DLG2: variants seen among roughly 807,000 people sequenced by gnomAD.
DLG2 encodes the protein discs large MAGUK scaffold protein 2, also known as disks large homolog 2.
DLG2 carries 45 observed loss-of-function variants against 132.5 expected under a neutral mutation model. That is an observed-to-expected ratio of 0.34 (90% CI 0.27 to 0.44). The LOEUF (loss-of-function observed/expected upper bound fraction) is 0.44. Among genes scored for constraint, DLG2 ranks in the 20% least tolerant of loss-of-function variants. DLG2 has a pLI of 1.00. For missense variants in DLG2, 1,045 were observed against 1,196.9 expected, an observed-to-expected ratio of 0.87 and a Z score of 1.87; for synonymous variants, 424 against 419.6, an observed-to-expected ratio of 1.01 and a Z score of -0.13.
At chr11:85,019,451 T>A (rs1043544094) in intron 6 of DLG2, among the ~76,000 whole-genome samples, 1 of 152,072 alleles carries the variant, frequency 6.6e-6, no homozygotes, top group Non-Finnish European at 1.5e-5. Flanking sequence ...AGATTTCTTT[T>A]TTATTATTAT....
At chr11:85,505,810 G>C (rs950206922) in intron 3 of DLG2, among the ~76,000 whole-genome samples, 1 of 152,192 alleles carries the variant, frequency 6.6e-6, no homozygotes, top group Non-Finnish European at 1.5e-5. Flanking sequence ...GCTCCTCCTT[G>C]TACCTCTGGT....
intron 4 of DLG2, among the ~76,000 whole-genome samples, chr11:85,199,896 C>G (rs2081327059): frequency 6.6e-6 from 1 of 151,936 alleles, no homozygotes; most frequent in Admixed American, 6.6e-5. Context: ...GGTTCTACCC[C>G]CACACCAAGA....
intron 17 of DLG2, chr11:83,791,428 A>T: frequency 2.8e-6 from 2 of 713,792 alleles, no homozygotes; most frequent in East Asian, 2.9e-5. Context: ...GCAGTTGGCC[A>T]TATCTTTACC....
intron 6 of DLG2, among the ~76,000 whole-genome samples, chr11:84,907,956 A>G (rs1173711051): frequency 2.0e-5 from 3 of 152,198 alleles, no homozygotes; most frequent in Non-Finnish European, 4.4e-5. Context: ...GTCAAGATCC[A>G]GGACTACAGA....
chr11:84,131,894 CATT>C (rs1328309252), intron 9 of DLG2, among the ~76,000 whole-genome samples: 4 of 151,318 alleles, frequency 2.6e-5, no homozygotes, highest in Non-Finnish European at 1.5e-5. Flanking sequence ...TCATGTATGA[CATT>C]ATGTTTCTGG....
At chr11:85,501,016 C>A (rs543494555) in intron 3 of DLG2, among the ~76,000 whole-genome samples, 2 of 152,176 alleles carry the variant, frequency 1.3e-5, no homozygotes, top group South Asian at 2.1e-4. Context: ...TGACTTCAAC[C>A]TTTACTACAA....
At chr11:85,039,675 G>A (rs984822876) in intron 6 of DLG2, among the ~76,000 whole-genome samples, 4 of 151,364 alleles carry the variant, frequency 2.6e-5, no homozygotes, top group East Asian at 1.9e-4. Context: ...ACGAGAAACA[G>A]GTTACCTAAG....
intron 7 of DLG2, among the ~76,000 whole-genome samples, chr11:84,379,989 T>A (rs1170526649): frequency 6.6e-6 from 1 of 151,654 alleles, no homozygotes; most frequent in Non-Finnish European, 1.5e-5. Flanking sequence ...CACAACTAAA[T>A]ATGGAGTAAG....
At chr11:84,839,469 T>C (rs1274956437) in intron 6 of DLG2, among the ~76,000 whole-genome samples, 1 of 152,098 alleles carries the variant, frequency 6.6e-6, no homozygotes, top group Non-Finnish European at 1.5e-5. Context: ...CCAATGACTT[T>C]CTTCACAGAA....
intron 11 of DLG2, 93 bp downstream of exon 11, chr11:84,059,222 G>C (rs2096552868): frequency 8.0e-7 from 1 of 1,248,700 alleles, no homozygotes; most frequent in African/African-American, 1.5e-5. Context: ...CTGAATGTCA[G>C]AGGTTAAAGA....
chr11:85,404,188 G>A (rs1213619330), intron 3 of DLG2, among the ~76,000 whole-genome samples: 1 of 151,946 alleles, frequency 6.6e-6, no homozygotes, highest in Non-Finnish European at 1.5e-5. Flanking sequence ...TTGAGCTCAG[G>A]AGAGAGATTA....
chr11:84,538,054 C>G (rs564320085), intron 6 of DLG2, among the ~76,000 whole-genome samples: 38 of 152,122 alleles, frequency 2.5e-4, no homozygotes, highest in African/African-American at 6.3e-4. Flanking sequence ...AAAGAACAAC[C>G]CTTGACTTCA....
intron 9 of DLG2, among the ~76,000 whole-genome samples, chr11:84,134,900 C>G (rs2094547982): frequency 6.6e-6 from 1 of 151,932 alleles, no homozygotes. Flanking sequence ...AGCACCCACC[C>G]AGACTAGCCA....
At chr11:83,697,066 G>A (rs73509241) in intron 18 of DLG2, among the ~76,000 whole-genome samples, 551 of 152,258 alleles carry the variant, frequency 3.6e-3, no homozygotes, top group African/African-American at 8.9e-3. Context: ...GGTGTTCAAC[G>A]TAAGAATAAC....
intron 7 of DLG2, among the ~76,000 whole-genome samples, chr11:84,328,109 G>A (rs2098441495): frequency 6.6e-6 from 1 of 152,156 alleles, no homozygotes; most frequent in Non-Finnish European, 1.5e-5. Flanking sequence ...GGAGAGTGTG[G>A]AGGCCCTAGA....
chr11:85,083,629 G>A (rs1350778653), intron 6 of DLG2, among the ~76,000 whole-genome samples: 1 of 152,060 alleles, frequency 6.6e-6, no homozygotes, highest in Non-Finnish European at 1.5e-5. Context: ...CGGCAGGGGG[G>A]CTTCTAGGTC....
intron 6 of DLG2, among the ~76,000 whole-genome samples, chr11:84,687,824 A>G (rs1051380421): frequency 6.6e-6 from 1 of 152,222 alleles, no homozygotes; most frequent in Admixed American, 6.5e-5. Flanking sequence ...GATGCTAGTT[A>G]TTGAGTGAAA....
chr11:85,196,590 A>C (rs1252389476), intron 4 of DLG2, among the ~76,000 whole-genome samples: 1 of 152,240 alleles, frequency 6.6e-6, no homozygotes, highest in Non-Finnish European at 1.5e-5. Flanking sequence ...TGAAAATTTT[A>C]AAATCAATTT....
intron 6 of DLG2, among the ~76,000 whole-genome samples, chr11:84,681,427 C>T (rs957853905): frequency 1.3e-5 from 2 of 152,164 alleles, no homozygotes; most frequent in Non-Finnish European, 2.9e-5. Context: ...ATCAATCTAG[C>T]TGGTTGAGGC....
Sources: allele counts gnomAD v4.1 joint callset (sites outside exome capture counted in the v4.1 genomes callset), GRCh38; gene constraint gnomAD v4.1.1; transcripts MANE v1.5; gene names NCBI Gene and HGNC (gene_info 2026-07-23, HGNC 2026-07-21).